The following ATP10A variants were observed in gnomAD, a reference collection of about 807,000 sequenced individuals.
ATP10A encodes phospholipid-transporting ATPase VA.
Under a neutral mutation model 147.8 loss-of-function variants are expected in ATP10A, and 111 were observed. That is an observed-to-expected ratio of 0.75 (90% confidence interval 0.64 to 0.88). The LOEUF is 0.88. Ranked by LOEUF, ATP10A falls within the 40% of genes least tolerant of loss-of-function variation. The pLI is 0.00. For synonymous variants in ATP10A, 875 were observed against 841.6 expected, an observed-to-expected ratio of 1.04 and a Z score of -0.69; for missense variants, 1,927 against 1,959.0, an observed-to-expected ratio of 0.98 and a Z score of 0.31.
At chr15:25,712,628 G>C (rs946808217) in intron 10 of ATP10A, among the ~76,000 whole-genome samples, 4 of 152,318 alleles carry the variant, frequency 2.6e-5, no homozygotes, top group Admixed American at 2.6e-4. Context: ...ATTTTCAGAA[G>C]AAGCTTCCTA....
intron 1 of ATP10A, among the ~76,000 whole-genome samples, chr15:25,850,552 C>T (rs1893241259): frequency 6.6e-6 from 1 of 152,180 alleles, no homozygotes; most frequent in South Asian, 2.1e-4. Context: ...TCCCCAGGCG[C>T]CATTCTACGC....
intron 1 of ATP10A, among the ~76,000 whole-genome samples, chr15:25,827,815 T>C (rs1478298080): frequency 6.6e-6 from 1 of 152,180 alleles, no homozygotes; most frequent in African/African-American, 2.4e-5. Flanking sequence ...GTACATTAAA[T>C]GTAAATGGTC....
chr15:25,723,403 T>C (rs1202841074), intron 6 of ATP10A, among the ~76,000 whole-genome samples: 2 of 151,686 alleles, frequency 1.3e-5, no homozygotes, highest in Non-Finnish European at 2.9e-5. Context: ...GTTGGCTTCT[T>C]AGTTTTCACA....
intron 5 of ATP10A, among the ~76,000 whole-genome samples, chr15:25,724,973 G>C (rs150310603): frequency 3.9e-5 from 6 of 152,182 alleles, no homozygotes; most frequent in African/African-American, 1.4e-4. Context: ...AAGTAACCTA[G>C]AGGTGATTTA....
At chr15:25,789,349 T>G (rs1890306578) in intron 1 of ATP10A, among the ~76,000 whole-genome samples, 1 of 152,066 alleles carries the variant, frequency 6.6e-6, no homozygotes, top group African/African-American at 2.4e-5. Context: ...GAGGTCAGCC[T>G]GGGGGACTCC....
At chr15:25,843,792 G>A (rs576773507) in intron 1 of ATP10A, among the ~76,000 whole-genome samples, 1 of 152,216 alleles carries the variant, frequency 6.6e-6, no homozygotes, top group East Asian at 1.9e-4. Flanking sequence ...CACAGCTCCC[G>A]TCGCAGACCC....
intron 9 of ATP10A, among the ~76,000 whole-genome samples, chr15:25,714,965 T>TACACACACAC (rs10523875): frequency 6.9e-6 from 1 of 145,612 alleles, no homozygotes; most frequent in African/African-American, 2.5e-5. Flanking sequence ...ATGACACATA[T>TACACACACAC]ACACACACAC....
At position 25,781,072 on chromosome 15, in the gene ATP10A, C is replaced by G; in HGVS notation, c.601G>C (p.Asp201His). The G allele has an allele frequency of 6.2e-7, 1 of 1,614,176 alleles. No individual in the cohort carries two copies. The highest frequency in any genetic ancestry group is 8.5e-7 in the Non-Finnish European group (1 of 1,180,034). Residue 201 changes from aspartate to histidine, a missense_variant, in exon 2 of 21, where the codon GAT (aspartate) becomes CAT (histidine). Transcript: ENST00000555815. Reference sequence around the variant, plus strand: ...CGCCGCTTCAGGTTGGTCTCTCCATCCAGGTTGGCGGTCTCGATGTGGCAT... The same window carrying G: ...CGCCGCTTCAGGTTGGTCTCTCCATGCAGGTTGGCGGTCTCGATGTGGCAT... ...GLCHIETANL[D>H]GETNLKRRQV...
At chr15:25,788,943 G>A (rs548953250) in intron 1 of ATP10A, among the ~76,000 whole-genome samples, 8 of 152,236 alleles carry the variant, frequency 5.3e-5, no homozygotes, top group African/African-American at 1.9e-4. Flanking sequence ...GATGAAACAG[G>A]TAATGTGTTA....
intron 2 of ATP10A, among the ~76,000 whole-genome samples, chr15:25,744,257 G>A (rs1018436504): frequency 1.3e-5 from 2 of 152,102 alleles, no homozygotes; most frequent in African/African-American, 4.8e-5. Context: ...GTGAAAAATG[G>A]AGTATAATAA....
At chr15:25,701,560 C>T (rs1241044324) in intron 13 of ATP10A, among the ~76,000 whole-genome samples, 1 of 152,196 alleles carries the variant, frequency 6.6e-6, no homozygotes, top group Non-Finnish European at 1.5e-5. Context: ...ATAAAGAAGT[C>T]CTCAGTGCCT....
chr15:25,729,728 T>G (rs1468217661), intron 3 of ATP10A, among the ~76,000 whole-genome samples: 2 of 152,168 alleles, frequency 1.3e-5, no homozygotes, highest in Non-Finnish European at 2.9e-5. Flanking sequence ...TAGCCCGGCC[T>G]TCCGGCCTGG....
chr15:25,724,171 C>T, intron 5 of ATP10A, 150 bp from the exon 6 acceptor site: 1 of 830,436 alleles, frequency 1.2e-6, no homozygotes, highest in South Asian at 2.3e-5. Flanking sequence ...AAAGCGAAAA[C>T]ACAATGTTCT....
intron 2 of ATP10A, among the ~76,000 whole-genome samples, chr15:25,771,034 G>T (rs1889305940): frequency 6.6e-6 from 1 of 152,170 alleles, no homozygotes; most frequent in African/African-American, 2.4e-5. Context: ...GCTGTAGAAA[G>T]TGCATGCTGT....
chr15:25,771,801 G>A (rs1889352128), intron 2 of ATP10A, among the ~76,000 whole-genome samples: 1 of 151,444 alleles, frequency 6.6e-6, no homozygotes, highest in Non-Finnish European at 1.5e-5. Context: ...CCAGGCTGGA[G>A]TGCAGTGGCA....
chr15:25,694,665 C>T (rs929972525), intron 14 of ATP10A, among the ~76,000 whole-genome samples, 154 bp downstream of exon 14: 4 of 152,222 alleles, frequency 2.6e-5, no homozygotes, highest in African/African-American at 4.8e-5. Flanking sequence ...ACTTTACCTT[C>T]GGAACATGTT....
intron 1 of ATP10A, among the ~76,000 whole-genome samples, chr15:25,807,580 ATCACCTGAGG>A (rs946503991): frequency 6.6e-6 from 1 of 152,210 alleles, no homozygotes; most frequent in African/African-American, 2.4e-5. Context: ...AGGCGGGCAG[ATCACCTGAGG>A]TCAAGAGTTC....
intron 2 of ATP10A, among the ~76,000 whole-genome samples, chr15:25,751,048 T>C (rs1301024390): frequency 6.6e-6 from 1 of 152,092 alleles, no homozygotes; most frequent in African/African-American, 2.4e-5. Context: ...GCAGACTCGT[T>C]TTTAAAAAAA....
chr15:25,729,831 T>C (rs1331823495), intron 3 of ATP10A, among the ~76,000 whole-genome samples: 1 of 152,200 alleles, frequency 6.6e-6, no homozygotes, highest in East Asian at 1.9e-4. Context: ...TGCTTCCATG[T>C]CTCTGCTTCC....
Sources: allele counts gnomAD v4.1 joint callset (sites outside exome capture counted in the v4.1 genomes callset), GRCh38; gene constraint gnomAD v4.1.1; transcripts MANE v1.5; gene names NCBI Gene and HGNC (gene_info 2026-07-23, HGNC 2026-07-21).